STMN2: variants seen among roughly 807,000 people sequenced by gnomAD.
STMN2 encodes the protein stathmin 2.
Under a neutral mutation model 24.1 loss-of-function variants are expected in STMN2, and 2 were observed. That is an observed-to-expected ratio of 0.08 (90% CI 0.03 to 0.26). STMN2 has a LOEUF of 0.26. STMN2 is among the 10% of genes least tolerant of loss of function. The pLI is 1.00. For missense variants in STMN2, 114 were observed against 213.6 expected (o/e 0.53, Z 2.91); for synonymous variants, 83 against 77.5 (o/e 1.07, Z -0.37).
chr8:79,646,456 A>G (rs925162348), intron 3 of STMN2, among the ~76,000 whole-genome samples: 4 of 151,508 alleles, frequency 2.6e-5, no homozygotes, highest in African/African-American at 7.3e-5. Context: ...TGGATAGTCA[A>G]AAAAAAACCT....
In STMN2 at chr8:79,641,628, G is replaced by GCACACACACA. The variant is rs61386841; in HGVS notation, c.288+113_288+122dup. On this transcript the variant is annotated intron_variant, in intron 3 of 4. Coordinates refer to ENST00000220876, the MANE Select transcript of STMN2 (RefSeq NM_007029.4). ...CTCACACACTCGGGCACACATGCAC[G>GCACACACACA]CACACACACACACACACACACACAC... 7.6e-4 allele frequency: 326 copies of GCACACACACA among 431,718 alleles called. 3 individuals are homozygous for GCACACACACA. The highest frequency in any genetic ancestry group is 2.9e-3 in the Middle Eastern group (4 of 1,396). The allele number at this position is 431,718 out of a possible 1,614,324, so 26.7% of individuals were successfully genotyped here.
chr8:79,625,505 A>T (rs1809630457), intron 1 of STMN2, among the ~76,000 whole-genome samples: 2 of 152,230 alleles, frequency 1.3e-5, no homozygotes, highest in African/African-American at 2.4e-5. Context: ...TAACCACTGT[A>T]TGCACAGTCT....
chr8:79,648,448 C>T lies in STMN2; in HGVS notation c.289-6423C>T, dbSNP rs1407154401. ...GACTGAAATGCTACCATACAATATACGTTGCTTTTTTTTTTTTTTTTTTTT... is the reference window on the plus strand; with the variant it reads ...GACTGAAATGCTACCATACAATATATGTTGCTTTTTTTTTTTTTTTTTTTT... On this transcript the variant is annotated intron_variant, in intron 3 of 4. Coordinates refer to ENST00000220876, the MANE Select transcript of STMN2 (RefSeq NM_007029.4). Among the ~76,000 whole-genome samples the T allele has an allele frequency of 3.0e-5, 4 of 133,010 alleles. No homozygotes were observed. The South Asian group carries it at 7.1e-4, about 23-fold the overall frequency. 87.3% of individuals were successfully genotyped at this position (133,010 alleles called of 152,430 possible).
chr8:79,659,686 C>G (rs758967769), intron 4 of STMN2, among the ~76,000 whole-genome samples: 1 of 152,144 alleles, frequency 6.6e-6, no homozygotes, highest in Non-Finnish European at 1.5e-5. Context: ...CAAATATTTA[C>G]GTGTAAACAT....
intron 1 of STMN2, among the ~76,000 whole-genome samples, chr8:79,624,390 T>C (rs540212035): frequency 1.9e-4 from 27 of 138,754 alleles, no homozygotes; most frequent in Non-Finnish European, 3.4e-4. Flanking sequence ...GGAGGGGGAG[T>C]TTGCAGTGAG....
intron 1 of STMN2, among the ~76,000 whole-genome samples, chr8:79,635,141 C>T (rs974674620): frequency 3.3e-5 from 5 of 152,116 alleles, no homozygotes; most frequent in African/African-American, 1.2e-4. Context: ...GAGATACTCA[C>T]CAAGTTTACC....
At chr8:79,632,337 C>T (rs1682527716) in intron 1 of STMN2, among the ~76,000 whole-genome samples, 1 of 152,168 alleles carries the variant, frequency 6.6e-6, no homozygotes, top group African/African-American at 2.4e-5. Flanking sequence ...TCTATAGCAT[C>T]TGATTTTATC....
intron 1 of STMN2, among the ~76,000 whole-genome samples, chr8:79,618,902 T>A (rs1042909819): frequency 6.6e-6 from 1 of 152,174 alleles, no homozygotes; most frequent in African/African-American, 2.4e-5. Context: ...ATATTTTAAG[T>A]TTGTTCTCAC....
intron 3 of STMN2, among the ~76,000 whole-genome samples, chr8:79,647,383 A>C (rs1355466245): frequency 6.6e-6 from 1 of 152,176 alleles, no homozygotes. Flanking sequence ...AAAACTTACG[A>C]GTTCTCCTCC....
rs78707758 is a variant in STMN2 at position 79,614,519 on chromosome 8, A to G, written c.19+3305A>G. ...TACCAGGTGAGTAAGCTGAGCCTGCAATAAACACTCTCTGTCCCAGTGTAA... is the reference window on the plus strand; with the variant it reads ...TACCAGGTGAGTAAGCTGAGCCTGCGATAAACACTCTCTGTCCCAGTGTAA... On this transcript the variant is annotated intron_variant, in intron 1 of 4. Transcript: ENST00000220876. Among the ~76,000 whole-genome samples the G allele has an allele frequency of 6.6e-5, 10 of 152,360 alleles. No individual in the cohort carries two copies. In the East Asian group the frequency reaches 1.9e-3, roughly 29 times the overall value.
In STMN2 at chr8:79,651,800, C is replaced by T. The variant is rs1338695085; in HGVS notation, c.289-3071C>T. Among the ~76,000 whole-genome samples, 5 of 152,214 alleles carry T rather than the reference C, an allele frequency of 3.3e-5. No homozygotes were observed. In the East Asian group the frequency reaches 9.6e-4, roughly 29 times the overall value. On this transcript the variant is annotated intron_variant, in intron 3 of 4. Transcript: ENST00000220876. ...GGCACAAGGCCCCTGGCCATGAAGT[C>T]CATCTCAAAGGGCCAGGCTCAGCAA...
At chr8:79,624,702 GATAGCCAGCTAAGA>G (rs1447799697) in intron 1 of STMN2, among the ~76,000 whole-genome samples, 1 of 152,146 alleles carries the variant, frequency 6.6e-6, no homozygotes, top group African/African-American at 2.4e-5. Flanking sequence ...ATACGGTGAG[GATAGCCAGCTAAGA>G]AGTCAAGAAG....
At chr8:79,644,585 TG>T (rs926413866) in intron 3 of STMN2, among the ~76,000 whole-genome samples, 1 of 152,134 alleles carries the variant, frequency 6.6e-6, no homozygotes, top group African/African-American at 2.4e-5. Context: ...GTAAGATCCC[TG>T]GGGTAAGAAT....
intron 3 of STMN2, 32 bp downstream of exon 3, chr8:79,641,582 C>T (rs1456126410): frequency 2.5e-6 from 4 of 1,595,946 alleles, no homozygotes; most frequent in Admixed American, 1.7e-5. Flanking sequence ...CCTTCTCTCT[C>T]TCCCTCCCCT....
chr8:79,661,813 CT>C (rs1806508332), intron 4 of STMN2, among the ~76,000 whole-genome samples: 1 of 152,046 alleles, frequency 6.6e-6, no homozygotes, highest in South Asian at 2.1e-4. Context: ...CCCATGACCC[CT>C]GATCACCAAC....
intron 3 of STMN2, among the ~76,000 whole-genome samples, chr8:79,644,822 A>G (rs774499945): frequency 5.3e-5 from 8 of 151,908 alleles, no homozygotes; most frequent in Non-Finnish European, 1.0e-4. Context: ...AAAAATATTA[A>G]TCTAGGCAGC....
chr8:79,614,798 A>G (rs894703114), intron 1 of STMN2, among the ~76,000 whole-genome samples: 11 of 152,342 alleles, frequency 7.2e-5, no homozygotes, highest in African/African-American at 2.4e-4. Flanking sequence ...CTATTACCTC[A>G]TTAATATTTT....
chr8:79,651,831 G>C (rs926298534), intron 3 of STMN2, among the ~76,000 whole-genome samples: 1 of 152,204 alleles, frequency 6.6e-6, no homozygotes, highest in Non-Finnish European at 1.5e-5. Context: ...AGCAAAGCAG[G>C]ATGCAAACCC....
At chr8:79,614,891 G>A in intron 1 of STMN2, among the ~76,000 whole-genome samples, 1 of 152,052 alleles carries the variant, frequency 6.6e-6, no homozygotes. Flanking sequence ...GATAGATGGT[G>A]GAATAAGCAT....
Sources: allele counts gnomAD v4.1 joint callset (sites outside exome capture counted in the v4.1 genomes callset), GRCh38; gene constraint gnomAD v4.1.1; transcripts MANE v1.5; gene names NCBI Gene and HGNC (gene_info 2026-07-23, HGNC 2026-07-21).